Variants in SCAP observed in about 807,000 individuals in gnomAD.
The protein encoded by SCAP is SREBF chaperone.
SCAP carries 65 observed loss-of-function variants against 123.6 expected under a neutral mutation model. That is an observed-to-expected ratio of 0.53 (90% CI 0.43 to 0.65). The LOEUF (loss-of-function observed/expected upper bound fraction) is 0.65. SCAP is among the 30% of genes least tolerant of loss of function. SCAP has a pLI of 0.00. For missense variants in SCAP, 1,398 were observed against 1,712.5 expected (o/e 0.82, Z 3.24); for synonymous variants, 740 against 726.3 (o/e 1.02, Z -0.30).
At chr3:47,425,958 G>T (rs1055984686) in intron 7 of SCAP, 39 bp downstream of exon 7, 2 of 1,610,546 alleles carry the variant, frequency 1.2e-6, no homozygotes, top group Non-Finnish European at 1.7e-6. Context: ...TGCCCGTTTA[G>T]CTTGGAGAAA....
chr3:47,465,294 C>T (rs1707782145), intron 1 of SCAP, among the ~76,000 whole-genome samples: 1 of 152,002 alleles, frequency 6.6e-6, no homozygotes, highest in Non-Finnish European at 1.5e-5. Flanking sequence ...TATCAGCCTC[C>T]TGAGTAACTG....
At chr3:47,447,278 G>A (rs1707079659) in intron 1 of SCAP, among the ~76,000 whole-genome samples, 1 of 152,142 alleles carries the variant, frequency 6.6e-6, no homozygotes, top group Admixed American at 6.5e-5. Flanking sequence ...GCACACACTT[G>A]TAATCCCAGC....
chr3:47,435,347 G>A (rs553021915), intron 2 of SCAP, among the ~76,000 whole-genome samples: 2 of 152,062 alleles, frequency 1.3e-5, no homozygotes, highest in African/African-American at 2.4e-5. Context: ...TAAACCTTAC[G>A]AAGAAGCCCA....
At chr3:47,468,242 G>T (rs927916014) in intron 1 of SCAP, among the ~76,000 whole-genome samples, 4 of 152,108 alleles carry the variant, frequency 2.6e-5, no homozygotes, top group African/African-American at 9.7e-5. Flanking sequence ...CCCAGTAATG[G>T]GATGGCTGGG....
chr3:47,474,526 G>A (rs1576326618), intron 1 of SCAP, among the ~76,000 whole-genome samples: 1 of 152,272 alleles, frequency 6.6e-6, no homozygotes, highest in East Asian at 1.9e-4. Context: ...CGGGCACGGT[G>A]GTTCACGCCT....
At chr3:47,414,150 C>CAA (rs1226683880) in intron 22 of SCAP, 30 bp downstream of exon 22, 2 of 1,613,486 alleles carry the variant, frequency 1.2e-6, no homozygotes, top group African/African-American at 2.7e-5. Flanking sequence ...CCTAAAATCC[C>CAA]AAGAATCCTA....
At chr3:47,460,645 G>T (rs369532437) in intron 1 of SCAP, among the ~76,000 whole-genome samples, 1 of 151,686 alleles carries the variant, frequency 6.6e-6, no homozygotes, top group Non-Finnish European at 1.5e-5. Flanking sequence ...CTCTGCCCCC[G>T]CCCCCAGGTT....
intron 9 of SCAP, 107 bp from the exon 10 acceptor site, chr3:47,422,643 G>A: frequency 1.1e-6 from 1 of 870,234 alleles, no homozygotes; most frequent in Non-Finnish European, 1.8e-6. Context: ...AGGCCCCCCA[G>A]CCCTTTGAAG....
At chr3:47,448,183 C>G (rs1012643680) in intron 1 of SCAP, among the ~76,000 whole-genome samples, 3 of 152,144 alleles carry the variant, frequency 2.0e-5, no homozygotes, top group African/African-American at 7.2e-5. Flanking sequence ...TAGTTTTCAG[C>G]ATACATGACT....
At position 47,420,363 on chromosome 3, in the gene SCAP, C is replaced by A. The variant is rs980368211; in HGVS notation, c.1563+191G>T. Among the ~76,000 whole-genome samples, 6 of 152,182 alleles carry A rather than the reference C, an allele frequency of 3.9e-5. No homozygotes were observed. The highest frequency in any genetic ancestry group is 1.4e-4 in the African/African-American group (6 of 41,442). ...ACCCTGGAGCTGCTTCTCCCACAGG[C>A]TTATCTCCTCAGAAGCCACTAGGGT... On this transcript the variant is annotated intron_variant, in intron 12 of 22. Coordinates refer to ENST00000265565, the MANE Select transcript of SCAP (RefSeq NM_012235.4). This position sits in a 1 kb window ranked among gnomAD's most constrained non-coding sequence, Gnocchi z 5.0.
chr3:47,472,380 G>A (rs1211388956), intron 1 of SCAP, among the ~76,000 whole-genome samples: 1 of 150,342 alleles, frequency 6.7e-6, no homozygotes, highest in African/African-American at 2.4e-5. Context: ...CTTGCAGTGA[G>A]CCGAGATTGC....
intron 8 of SCAP, 125 bp from the exon 9 acceptor site, chr3:47,424,170 G>C: frequency 4.4e-6 from 3 of 685,400 alleles, no homozygotes; most frequent in Non-Finnish European, 7.8e-6. Flanking sequence ...CACAGGTGCT[G>C]GGCAGAAACC....
At position 47,420,245 on chromosome 3, in the gene SCAP, G is replaced by C. The variant is rs1030076883; in HGVS notation, c.1563+309C>G. On this transcript the variant is annotated intron_variant, in intron 12 of 22. Transcript: ENST00000265565. This position sits in a 1 kb window ranked among gnomAD's most constrained non-coding sequence, Gnocchi z 5.0. ...GCCGATGAACCCGACCCAGGGCAAT[G>C]TGGTGGCCACAAGTGGGTCCATCCC... Among the ~76,000 whole-genome samples, 1 of 152,224 alleles carries C rather than the reference G, an allele frequency of 6.6e-6. No homozygotes were observed. Among genetic ancestry groups the C allele is most frequent in the Non-Finnish European group, 1.5e-5 (1 of 68,038 alleles).
chr3:47,476,146 C>T (rs1708266125), upstream of SCAP: 1 of 152,230 alleles, frequency 6.6e-6, no homozygotes, highest in African/African-American at 2.4e-5. Flanking sequence ...GGTTTGGGCC[C>T]ACCGGCTCTC....
intron 1 of SCAP, among the ~76,000 whole-genome samples, chr3:47,443,703 C>A (rs1368682200): frequency 6.6e-6 from 1 of 152,194 alleles, no homozygotes; most frequent in African/African-American, 2.4e-5. Context: ...TATAGTTGTT[C>A]CTGGGAGTGC....
chr3:47,446,890 G>A (rs1043243594), intron 1 of SCAP, among the ~76,000 whole-genome samples: 1 of 152,300 alleles, frequency 6.6e-6, no homozygotes, highest in Non-Finnish European at 1.5e-5. Context: ...GCTGCAATGA[G>A]CTATGACCAC....
At chr3:47,469,599 T>A (rs1243328539) in intron 1 of SCAP, among the ~76,000 whole-genome samples, 1 of 152,188 alleles carries the variant, frequency 6.6e-6, no homozygotes, top group African/African-American at 2.4e-5. Flanking sequence ...CCTCAAGTGA[T>A]CCACCCACCT....
rs376901858 is a variant in SCAP at position 47,454,016 on chromosome 3, G to GAT, written c.-98-10927_-98-10926dup. Among the ~76,000 whole-genome samples the GAT allele has an allele frequency of 1.0e-3, 152 of 152,290 alleles. 3 individuals are homozygous for GAT. Among genetic ancestry groups the GAT allele is most frequent in the African/African-American group, 3.4e-3 (143 of 41,562 alleles). On this transcript the variant is annotated intron_variant, in intron 1 of 22. Coordinates refer to ENST00000265565, the MANE Select transcript of SCAP (RefSeq NM_012235.4). ...ATGTTATGTTCAACATATTAACAGA[G>GAT]ATCATCTCTGCCAATGCTGAAGACA... is the stretch of plus-strand genomic sequence containing the variant.
chr3:47,438,552 G>A (rs1175805948), intron 2 of SCAP, among the ~76,000 whole-genome samples: 4 of 152,140 alleles, frequency 2.6e-5, no homozygotes, highest in Non-Finnish European at 2.9e-5. Context: ...GGTGGCTCAC[G>A]CCTGTAATCC....
Sources: gnomAD v4.1 joint callset for allele counts (sites outside exome capture counted in the v4.1 genomes callset) on GRCh38, gnomAD v4.1.1 for gene constraint, Gnocchi (gnomAD v3.1) non-coding constraint, MANE v1.5 for transcripts, NCBI Gene and HGNC (gene_info 2026-07-23, HGNC 2026-07-21) for gene names.